Variants in MYOF observed in about 807,000 individuals in gnomAD.
MYOF encodes fer-1-like 3, myoferlin.
Under a neutral mutation model 284.2 loss-of-function variants are expected in MYOF, and 244 were observed. That is an observed-to-expected ratio of 0.86 (90% confidence interval 0.77 to 0.95). The LOEUF (loss-of-function observed/expected upper bound fraction) is 0.95. Ranked by LOEUF, MYOF falls within the 40% of genes least tolerant of loss-of-function variation. The pLI is 0.00. For missense variants in MYOF, 2,496 were observed against 2,560.6 expected, an observed-to-expected ratio of 0.97 and a Z score of 0.54; for synonymous variants, 904 against 919.7, an observed-to-expected ratio of 0.98 and a Z score of 0.31.
chr10:93,481,888 A>C (rs2057386683), intron 1 of MYOF, among the ~76,000 whole-genome samples: 1 of 152,212 alleles, frequency 6.6e-6, no homozygotes, highest in Non-Finnish European at 1.5e-5. Flanking sequence ...TCACACTCTT[A>C]GAGCTAAAAC....
chr10:93,401,832 A>T (rs1746488), intron 11 of MYOF, among the ~76,000 whole-genome samples: 2,211 of 20,488 alleles, frequency 0.11, 29 homozygotes, highest in Middle Eastern at 0.42. Context: ...TGTGTGTGTG[A>T]TCCTGATGTC....
Position 93,351,413 on chromosome 10 carries a change from C to G in MYOF, c.3822G>C (p.Lys1274Asn), listed in dbSNP as rs778775859. Reference protein sequence around the residue: ...LVTAELILRGKDGSNLPILPP... With the variant: ...LVTAELILRGNDGSNLPILPP... ...CATGAGGAAGAACACAGCAATGTACCTTGCCCCTCAGAATCAGCTCTGCAG... is the reference window on the plus strand; with the variant it reads ...CATGAGGAAGAACACAGCAATGTACGTTGCCCCTCAGAATCAGCTCTGCAG... Residue 1274 changes from lysine (K) to asparagine (N), a missense_variant and splice_region_variant, in exon 34 of 54, where the codon AAG becomes AAC. By Grantham distance (94) the Lys-to-Asn change is moderately conservative. This residue lies in a region of MYOF where 2,436 missense variants were observed against 2,480.7 expected (regional missense o/e 0.98). Coordinates refer to ENST00000359263, the MANE Select transcript of MYOF (RefSeq NM_013451.4). 25 of 1,614,012 alleles carry G rather than the reference C, an allele frequency of 1.5e-5. No homozygotes were observed. The highest frequency in any genetic ancestry group is 2.1e-5 in the Non-Finnish European group (25 of 1,179,982).
In MYOF at chr10:93,426,096, G is replaced by A. The variant is rs762163573; in HGVS notation, c.408C>T (p.Ser136=). The A allele has an allele frequency of 9.0e-6, 14 of 1,559,258 alleles. No individual in the cohort carries two copies. Among genetic ancestry groups the A allele is most frequent in the African/African-American group, 2.7e-5 (2 of 73,568 alleles). The change falls in exon 5 of 54, where the codon AGC becomes AGT. Residue 136 remains serine, a synonymous_variant. Transcript: ENST00000359263. ...PPSAPHPNDL[S]GPSVPGMGGD... is the part of the protein sequence containing the mutation. ...CTCCCATGCCTGGCACGCTGGGCCC[G>A]CTCAGGTCATTTGGATGTGGAGCAG...
At chr10:93,452,210 G>A in intron 2 of MYOF, 69 bp from the exon 3 acceptor site, 3 of 925,394 alleles carry the variant, frequency 3.2e-6, no homozygotes, top group Admixed American at 2.1e-5. Context: ...ATTACACTAA[G>A]ATGCACCAGT....
chr10:93,369,880 C>A, intron 24 of MYOF, 104 bp from the exon 25 acceptor site: 1 of 1,405,624 alleles, frequency 7.1e-7, no homozygotes, highest in Non-Finnish European at 9.7e-7. Flanking sequence ...TTGCTTTCAC[C>A]AGTCTAATTT....
intron 1 of MYOF, among the ~76,000 whole-genome samples, chr10:93,480,701 C>G (rs1201044929): frequency 2.0e-5 from 3 of 151,994 alleles, no homozygotes; most frequent in Admixed American, 2.0e-4. Context: ...GTCTCGAACT[C>G]CTGCCCTCAT....
chr10:93,414,425 GCTA>G (rs1045797757), intron 5 of MYOF, among the ~76,000 whole-genome samples: 24 of 152,194 alleles, frequency 1.6e-4, no homozygotes, highest in African/African-American at 5.5e-4. Context: ...TGTGGTCCCA[GCTA>G]CTTGGGAGGC....
At chr10:93,329,597 C>T in intron 44 of MYOF, 67 bp downstream of exon 44, 1 of 1,564,878 alleles carries the variant, frequency 6.4e-7, no homozygotes, top group Non-Finnish European at 8.8e-7. Context: ...AGGTAGAGGG[C>T]CTAGGCCTCC....
At chr10:93,434,356 G>A (rs892939719) in intron 3 of MYOF, among the ~76,000 whole-genome samples, 18 of 151,108 alleles carry the variant, frequency 1.2e-4, no homozygotes, top group East Asian at 1.2e-3. Context: ...CACTTGAACC[G>A]TGAGGCAGAG....
chr10:93,313,044 C>A lies in MYOF; in HGVS notation c.5865G>T (p.Glu1955Asp). The change falls in exon 51 of 54, where the codon GAG becomes GAT. Residue 1955 changes from glutamate (E) to aspartate (D), a missense_variant. Transcript: ENST00000359263. ...SMKGWWPCYA[E>D]KDGARVMAGK... Reference sequence around the variant, plus strand: ...CAGCCATTACGCGGGCGCCATCTTTCTCTGCGTAGCATGGCCACCATCCTT... The same window carrying A: ...CAGCCATTACGCGGGCGCCATCTTTATCTGCGTAGCATGGCCACCATCCTT... The A allele has an allele frequency of 6.2e-7, 1 of 1,612,142 alleles. No individual in the cohort carries two copies. The highest frequency in any genetic ancestry group is 8.5e-7 in the Non-Finnish European group (1 of 1,179,312).
intron 18 of MYOF, 30 bp from the exon 19 acceptor site, chr10:93,387,943 C>T (rs758715692): frequency 1.3e-6 from 2 of 1,552,546 alleles, no homozygotes. Flanking sequence ...GATTATTCCT[C>T]TAGGCAGCAA....
At chr10:93,475,152 G>T (rs1231121427) in intron 1 of MYOF, among the ~76,000 whole-genome samples, 1 of 152,102 alleles carries the variant, frequency 6.6e-6, no homozygotes. Context: ...GTACCCTCAT[G>T]CCCAGTAAGA....
chr10:93,470,262 G>GAAAC lies in MYOF; in HGVS notation c.88+11844_88+11845insGTTT, dbSNP rs1365903162. On this transcript the variant is annotated intron_variant, in intron 1 of 53. Coordinates refer to ENST00000359263, the MANE Select transcript of MYOF (RefSeq NM_013451.4). ...AAAAAGAAAGAAACAAAGAAAGAAA[G>GAAAC]AAAGAAAATAAAGGAATATGTTAAA... Among the ~76,000 whole-genome samples, 5 of 150,038 alleles carry GAAAC rather than the reference G, an allele frequency of 3.3e-5. No homozygotes were observed. In the East Asian group the frequency reaches 5.9e-4, roughly 18 times the overall value.
In MYOF at chr10:93,402,290, C is replaced by T; in HGVS notation, c.932G>A (p.Gly311Asp). The T allele has an allele frequency of 6.2e-7, 1 of 1,614,082 alleles. No individual in the cohort carries two copies. The highest frequency in any genetic ancestry group is 8.5e-7 in the Non-Finnish European group (1 of 1,179,986). Residue 311 changes from glycine (G) to aspartate (D), a missense_variant, in exon 11 of 54, where the codon GGT (glycine) becomes GAT (aspartate). Around this residue, in one of 3 missense-constraint regions of MYOF, gnomAD observed 2,436 missense variants for 2,480.7 expected, o/e 0.98. Transcript: ENST00000359263. ...GCTGACTTTCATATAACCTTTAGAA[C>T]CTGAACTGGTATCTTCCGGGTCATT... Reference protein sequence around the residue: ...LLNDPEDTSSGSKGYMKVSMF... With the variant: ...LLNDPEDTSSDSKGYMKVSMF...
chr10:93,382,368 G>A (rs1238660984), intron 19 of MYOF, among the ~76,000 whole-genome samples: 6 of 151,820 alleles, frequency 4.0e-5, no homozygotes, highest in South Asian at 4.2e-4. Context: ...AACTAGCTGC[G>A]ACTACAGGTG....
In MYOF at chr10:93,379,702, C is replaced by T. The variant is rs367588001; in HGVS notation, c.2001+161G>A. ...TCTCCAATACCACTGAACCTCCATA[C>T]TAACTTAGGACCATCTACCTCCACT... On this transcript the variant is annotated intron_variant, in intron 21 of 53. Coordinates refer to ENST00000359263, the MANE Select transcript of MYOF (RefSeq NM_013451.4). 5.3e-5 allele frequency among the ~76,000 whole-genome samples: 8 copies of T among 152,290 alleles called. No homozygotes were observed. In the East Asian group the frequency reaches 1.5e-3, roughly 29 times the overall value.
In MYOF at chr10:93,364,056, C is replaced by A. The variant is rs1051024486; in HGVS notation, c.2773G>T (p.Ala925Ser). 1 of 1,614,174 alleles carries A rather than the reference C, an allele frequency of 6.2e-7. No homozygotes were observed. Among genetic ancestry groups the A allele is most frequent in the Admixed American group, 1.7e-5 (1 of 60,024 alleles). The change falls in exon 27 of 54, where the codon GCA (alanine) becomes TCA (serine). Residue 925 changes from alanine (A) to serine (S), a missense_variant. This residue lies in a region of MYOF where 2,436 missense variants were observed against 2,480.7 expected (regional missense o/e 0.98). Coordinates refer to ENST00000359263, the MANE Select transcript of MYOF (RefSeq NM_013451.4). The stretch of plus-strand genomic sequence containing the variant: ...TCATCAGTGAACTCCGTGTGACCTG[C>A]ATCTGCCTCAGTCAGCAAGCTGTGG... ...PERSLLTEADAGHTEFTDEVY... is the reference protein window; with the variant it reads ...PERSLLTEADSGHTEFTDEVY...
In MYOF at chr10:93,335,897, G is replaced by A. The variant is rs756729983; in HGVS notation, c.4563+24C>T. 58 of 1,607,180 alleles carry A rather than the reference G, an allele frequency of 3.6e-5. No individual in the cohort carries two copies. The South Asian group carries it at 4.8e-4, about 13-fold the overall frequency. The stretch of plus-strand genomic sequence containing the variant: ...TAGAAAATGAAGGTGGATTTTAAAC[G>A]GGACCAACACACATCTTACTCACCT... On this transcript the variant is annotated intron_variant, in intron 41 of 53. Coordinates refer to ENST00000359263, the MANE Select transcript of MYOF (RefSeq NM_013451.4).
At chr10:93,396,290 G>A (rs1227756753) in intron 15 of MYOF, 66 bp from the exon 16 acceptor site, 5 of 1,135,786 alleles carry the variant, frequency 4.4e-6, no homozygotes, top group African/African-American at 1.6e-5. Context: ...AGGAAGATAT[G>A]TCTTCATTTC....
Sources: allele counts gnomAD v4.1 joint callset (sites outside exome capture counted in the v4.1 genomes callset), GRCh38; gene constraint gnomAD v4.1.1; regional missense constraint gnomAD v4.1.1; transcripts MANE v1.5; gene names NCBI Gene and HGNC (gene_info 2026-07-23, HGNC 2026-07-21).